ACSBG1: variants seen among roughly 807,000 people sequenced by gnomAD.
ACSBG1 encodes long-chain-fatty-acid--CoA ligase ACSBG1.
Under a neutral mutation model 80.2 loss-of-function variants are expected in ACSBG1, and 39 were observed. The ratio of observed to expected loss-of-function variants is 0.49; its 90% CI spans 0.38 to 0.64. The LOEUF is 0.64. ACSBG1 is among the 30% of genes least tolerant of loss of function. The pLI is 0.00. For synonymous variants in ACSBG1, 392 were observed against 379.5 expected (o/e 1.03, Z -0.38); for missense variants, 828 against 966.4 (o/e 0.86, Z 1.90).
At chr15:78,189,513 C>T (rs1319948373) in intron 5 of ACSBG1, among the ~76,000 whole-genome samples, 1 of 152,012 alleles carries the variant, frequency 6.6e-6, no homozygotes, top group East Asian at 1.9e-4. Context: ...GAGTTCATGT[C>T]CTTTGTAGGG....
intron 2 of ACSBG1, among the ~76,000 whole-genome samples, chr15:78,203,343 T>C (rs2075185303): frequency 6.6e-6 from 1 of 152,198 alleles, no homozygotes; most frequent in Non-Finnish European, 1.5e-5. Context: ...CAACAGGAGC[T>C]GACTCCAAAA....
In ACSBG1 at chr15:78,171,523, G is replaced by A. The variant is rs2074821989; in HGVS notation, c.2096C>T (p.Thr699Met). Residue 699 changes from threonine to methionine, a missense_variant, in exon 14 of 14, where the codon ACG (threonine) becomes ATG (methionine). Thr to Met is a moderately conservative substitution (Grantham distance 81, BLOSUM62 -1). Around this residue, in one of 3 missense-constraint regions of ACSBG1, gnomAD observed 201 missense variants for 227.0 expected, o/e 0.89. Coordinates refer to ENST00000258873, the MANE Select transcript of ACSBG1 (RefSeq NM_015162.5). ...AACTGTGAGCCGTTTCAGTTTCATC[G>A]TGGGACCTAAAAGGGAAATGAGAAG... Reference protein sequence around the residue: ...FSISGGELGPTMKLKRLTVLE... With the variant: ...FSISGGELGPMMKLKRLTVLE... 5.0e-6 allele frequency: 8 copies of A among 1,613,790 alleles called. No homozygotes were observed. The highest frequency in any genetic ancestry group is 2.2e-5 in the South Asian group (2 of 91,082).
At chr15:78,229,416 T>C (rs2075429289) in intron 1 of ACSBG1, among the ~76,000 whole-genome samples, 1 of 152,208 alleles carries the variant, frequency 6.6e-6, no homozygotes, top group South Asian at 2.1e-4. Context: ...CTTGTGTTCT[T>C]TCAGTGACAT....
intron 5 of ACSBG1, among the ~76,000 whole-genome samples, chr15:78,185,617 G>A (rs569538511): frequency 6.6e-6 from 1 of 152,004 alleles, no homozygotes; most frequent in Non-Finnish European, 1.5e-5. Flanking sequence ...AATATAAATT[G>A]GTGGATTAAA....
intron 5 of ACSBG1, among the ~76,000 whole-genome samples, chr15:78,188,017 C>T (rs1464808474): frequency 1.3e-5 from 2 of 152,176 alleles, no homozygotes; most frequent in African/African-American, 4.8e-5. Flanking sequence ...CACAAGCATT[C>T]TTATACCCCA....
rs1404469112 is a variant in ACSBG1 at position 78,193,486 on chromosome 15, C to T, written c.663+20G>A. 1.3e-6 allele frequency: 2 copies of T among 1,598,100 alleles called. No homozygotes were observed. The highest frequency in any genetic ancestry group is 1.7e-6 in the Non-Finnish European group (2 of 1,171,364). ...GGATACCCAGCATCTGACCCCATGC[C>T]CACTGCCTCTTCCCCAAACCTTCAG... On this transcript the variant is annotated intron_variant, in intron 5 of 13. Coordinates refer to ENST00000258873, the MANE Select transcript of ACSBG1 (RefSeq NM_015162.5).
intron 1 of ACSBG1, among the ~76,000 whole-genome samples, chr15:78,229,966 A>G (rs2075433044): frequency 6.6e-6 from 1 of 152,182 alleles, no homozygotes. Context: ...TGGTCAGCAC[A>G]GCGCCCTGCT....
chr15:78,183,526 G>A (rs758531083), intron 5 of ACSBG1, among the ~76,000 whole-genome samples: 2 of 152,188 alleles, frequency 1.3e-5, no homozygotes, highest in Non-Finnish European at 2.9e-5. Flanking sequence ...GCAGTGAGCC[G>A]AGATTGCTCC....
At chr15:78,234,284 A>C in intron 1 of ACSBG1, 87 bp downstream of exon 1, 1 of 1,523,492 alleles carries the variant, frequency 6.6e-7, no homozygotes, top group Non-Finnish European at 8.8e-7. Flanking sequence ...TCAGAGAGAG[A>C]AGCAGCTTGC....
At chr15:78,204,406 G>T (rs968000726) in intron 2 of ACSBG1, among the ~76,000 whole-genome samples, 15 of 152,208 alleles carry the variant, frequency 9.9e-5, no homozygotes, top group Admixed American at 9.8e-4. Flanking sequence ...GAGAAGCCGG[G>T]TCTGAGCAAG....
intron 13 of ACSBG1, 30 bp downstream of exon 13, chr15:78,173,563 C>T (rs1211204130): frequency 6.2e-7 from 1 of 1,609,144 alleles, no homozygotes; most frequent in Admixed American, 1.7e-5. Flanking sequence ...TCCCACACAG[C>T]CCTTGCAATG....
At chr15:78,176,185 G>A (rs1250869010) in intron 11 of ACSBG1, among the ~76,000 whole-genome samples, 1 of 152,104 alleles carries the variant, frequency 6.6e-6, no homozygotes, top group East Asian at 1.9e-4. Context: ...TGGGATTGCA[G>A]GTGTAGGCCA....
chr15:78,189,434 A>G (rs199965663), intron 5 of ACSBG1, among the ~76,000 whole-genome samples: 7,063 of 151,686 alleles, frequency 0.047, 274 homozygotes, highest in East Asian at 0.17. Context: ...ATGTCCAACA[A>G]TGATAGACTG....
At chr15:78,224,979 T>G (rs2075388323) in intron 1 of ACSBG1, among the ~76,000 whole-genome samples, 1 of 131,882 alleles carries the variant, frequency 7.6e-6, no homozygotes, top group Non-Finnish European at 1.7e-5. Context: ...CATAAAAGTC[T>G]TAGGGGATCT....
At chr15:78,181,593 A>G (rs559438506) in intron 8 of ACSBG1, among the ~76,000 whole-genome samples, 1 of 139,572 alleles carries the variant, frequency 7.2e-6, no homozygotes, top group South Asian at 2.2e-4. Flanking sequence ...TCCTGGGTTC[A>G]CGCCATTCTC....
rs545608508 is a variant in ACSBG1, at chr15:78,173,206, A to G, written c.2089+387T>C. 6.1e-4 allele frequency among the ~76,000 whole-genome samples: 93 copies of G among 152,086 alleles called. 1 individual carries two copies. Among genetic ancestry groups the G allele is most frequent in the African/African-American group, 2.1e-3 (86 of 41,514 alleles). On this transcript the variant is annotated intron_variant, in intron 13 of 13. Transcript: ENST00000258873. ...ACTAAAAATACAAAATTAGCCGGGCATGGTGGCCCATGCCTGTAATCCCAG... is the reference window on the plus strand; with the variant it reads ...ACTAAAAATACAAAATTAGCCGGGCGTGGTGGCCCATGCCTGTAATCCCAG...
At position 78,167,621 on chromosome 15, in the gene ACSBG1, A is replaced by G. The variant is rs958928575; in HGVS notation, c.*3823T>C. On this transcript the variant is annotated 3_prime_UTR_variant, in exon 14 of 14. Transcript: ENST00000258873. ...CATCAGTCATCTCCAGACCAGTTTC[A>G]TTTTCTCAAACTGAGACTCTGCACC... The G allele has an allele frequency of 3.3e-5, 5 of 152,038 alleles. No homozygotes were observed. The highest frequency in any genetic ancestry group is 7.4e-5 in the Non-Finnish European group (5 of 68,022). The allele number at this position is 152,038 out of a possible 1,614,324, so 9.4% of individuals were successfully genotyped here.
chr15:78,197,207 T>C (rs1297970148), intron 2 of ACSBG1, among the ~76,000 whole-genome samples: 22 of 152,060 alleles, frequency 1.4e-4, no homozygotes. Context: ...GCAGAAAAGA[T>C]AGAAAGCAGA....
intron 5 of ACSBG1, among the ~76,000 whole-genome samples, chr15:78,189,824 A>G (rs2075041551): frequency 6.6e-6 from 1 of 151,990 alleles, no homozygotes; most frequent in Admixed American, 6.6e-5. Flanking sequence ...AAGTATAATA[A>G]TAATAAAATA....
Sources: gnomAD v4.1 joint callset for allele counts (sites outside exome capture counted in the v4.1 genomes callset) on GRCh38, gnomAD v4.1.1 for gene constraint, gnomAD v4.1.1 regional missense constraint, MANE v1.5 for transcripts, NCBI Gene and HGNC (gene_info 2026-07-23, HGNC 2026-07-21) for gene names.